The following PAGE2B variants were observed in gnomAD, a reference collection of about 807,000 sequenced individuals.
PAGE2B encodes the protein putative G antigen family E member 3.
A neutral mutation model predicts 7.6 loss-of-function variants in PAGE2B; 5 were observed. The ratio of observed to expected loss-of-function variants is 0.66; its 90% CI spans 0.34 to 1.38. The LOEUF is 1.38. PAGE2B is among the 40% of genes most tolerant of loss of function. PAGE2B has a pLI of 0.04. For missense variants in PAGE2B, 70 were observed against 78.4 expected, an observed-to-expected ratio of 0.89 and a Z score of 0.41; for synonymous variants, 29 against 26.7, an observed-to-expected ratio of 1.09 and a Z score of -0.27.
chrX:55,068,815 T>C, the PAGE2B span, among the ~76,000 whole-genome samples: 1 of 111,494 alleles, frequency 9.0e-6, no homozygotes, highest in Non-Finnish European at 1.9e-5. Flanking sequence ...GAATGGGAAT[T>C]CACTCATGAT....
chrX:55,068,283 T>G, the PAGE2B span, among the ~76,000 whole-genome samples: 1,793 of 112,241 alleles, frequency 0.016, 37 homozygotes, highest in African/African-American at 0.056. Flanking sequence ...AAACACCATT[T>G]ATTAAATAGG....
At chrX:55,038,385 C>T in the PAGE2B span, among the ~76,000 whole-genome samples, 1 of 112,078 alleles carries the variant, frequency 8.9e-6, no homozygotes, top group Admixed American at 9.5e-5. Flanking sequence ...TTAAAAACAT[C>T]ACTGGACTCA....
the PAGE2B span, among the ~76,000 whole-genome samples, chrX:55,046,180 C>T: frequency 9.0e-6 from 1 of 111,509 alleles, no homozygotes; most frequent in South Asian, 3.8e-4. Context: ...GTGGCACGAT[C>T]TTGGCTCACT....
At chrX:55,033,415 C>G in the PAGE2B span, among the ~76,000 whole-genome samples, 9 of 111,192 alleles carry the variant, frequency 8.1e-5, no homozygotes, top group African/African-American at 2.9e-4. Flanking sequence ...GATATCTCCT[C>G]TCCTTTAGAG....
At chrX:55,041,746 C>T in the PAGE2B span, among the ~76,000 whole-genome samples, 7 of 111,406 alleles carry the variant, frequency 6.3e-5, no homozygotes, top group Non-Finnish European at 9.4e-5. Context: ...AGGCTGGGAG[C>T]GGCTGCCGTG....
At chrX:55,052,572 A>G in the PAGE2B span, among the ~76,000 whole-genome samples, 1 of 112,498 alleles carries the variant, frequency 8.9e-6, no homozygotes, top group Non-Finnish European at 1.9e-5. Flanking sequence ...TTTGCTAGCA[A>G]TGAGCGAGGC....
the PAGE2B span, among the ~76,000 whole-genome samples, chrX:55,060,143 G>T: frequency 9.0e-6 from 1 of 111,007 alleles, no homozygotes; most frequent in Non-Finnish European, 1.9e-5. Flanking sequence ...ACTTCCTTTG[G>T]GTATATAGCT....
chrX:55,051,819 A>G, the PAGE2B span, among the ~76,000 whole-genome samples: 31 of 112,031 alleles, frequency 2.8e-4, no homozygotes, highest in African/African-American at 1.0e-3. Context: ...CATCAAAGTC[A>G]TTCTCCATCC....
the PAGE2B span, among the ~76,000 whole-genome samples, chrX:55,069,675 G>C: frequency 1.8e-5 from 2 of 111,223 alleles, no homozygotes; most frequent in African/African-American, 6.5e-5. Context: ...TCTGGTCCTG[G>C]ACTTTTTTGG....
the PAGE2B span, among the ~76,000 whole-genome samples, chrX:55,066,220 A>G: frequency 1.6e-4 from 18 of 111,739 alleles, no homozygotes; most frequent in African/African-American, 5.8e-4. Flanking sequence ...CCTCCCAAGT[A>G]TCTGGGATTA....
the PAGE2B span, among the ~76,000 whole-genome samples, chrX:55,031,435 T>C: frequency 1.8e-5 from 2 of 111,950 alleles, no homozygotes; most frequent in African/African-American, 6.5e-5. Flanking sequence ...TAATATCATG[T>C]ATGGAAAACG....
chrX:55,035,907 C>T, the PAGE2B span, among the ~76,000 whole-genome samples: 1 of 111,713 alleles, frequency 9.0e-6, no homozygotes, highest in Non-Finnish European at 1.9e-5. Flanking sequence ...GCCATTTTCA[C>T]GATATTGATT....
the PAGE2B span, among the ~76,000 whole-genome samples, chrX:55,068,483 C>A: frequency 8.9e-6 from 1 of 111,914 alleles, no homozygotes; most frequent in Non-Finnish European, 1.9e-5. Flanking sequence ...ATGTCTCCAG[C>A]TTTGTTCTTT....
the PAGE2B span, among the ~76,000 whole-genome samples, chrX:55,067,687 C>G: frequency 8.9e-6 from 1 of 111,788 alleles, no homozygotes; most frequent in South Asian, 3.8e-4. Flanking sequence ...AAAAGCATTC[C>G]TATTTCTCCA....
chrX:55,052,281 G>T, the PAGE2B span, among the ~76,000 whole-genome samples: 12 of 112,612 alleles, frequency 1.1e-4, no homozygotes, highest in Non-Finnish European at 2.1e-4. Context: ...GAGGCAGTCT[G>T]CCCATTCTCA....
chrX:55,041,675 C>A, the PAGE2B span, among the ~76,000 whole-genome samples: 2 of 111,731 alleles, frequency 1.8e-5, no homozygotes, highest in African/African-American at 6.5e-5. Flanking sequence ...GGTCTCCTGT[C>A]CCCTATGCTC....
the PAGE2B span, among the ~76,000 whole-genome samples, chrX:55,041,921 C>T: frequency 2.2e-4 from 24 of 111,552 alleles, no homozygotes; most frequent in Non-Finnish European, 9.4e-5. Flanking sequence ...TAATAAAAGC[C>T]ATCTATGATA....
the PAGE2B span, among the ~76,000 whole-genome samples, chrX:55,032,478 G>A: frequency 1.8e-5 from 2 of 110,621 alleles, no homozygotes; most frequent in Non-Finnish European, 3.8e-5. Context: ...TTTTGGGGGT[G>A]GGTTGGCAGT....
the PAGE2B span, among the ~76,000 whole-genome samples, chrX:55,040,140 CT>C: frequency 2.8e-5 from 3 of 108,409 alleles, no homozygotes; most frequent in Admixed American, 9.9e-5. Flanking sequence ...CTACTTCTCT[CT>C]TTTTTTTAAT....
Sources: gnomAD v4.1 joint callset for allele counts (sites outside exome capture counted in the v4.1 genomes callset) on GRCh38, gnomAD v4.1.1 for gene constraint, MANE v1.5 for transcripts, NCBI Gene and HGNC (gene_info 2026-07-23, HGNC 2026-07-21) for gene names.